ALS2CL: variants seen among roughly 807,000 people sequenced by gnomAD.
The protein encoded by ALS2CL is ALS2 C-terminal-like protein.
ALS2CL carries 112 observed loss-of-function variants against 127.9 expected under a neutral mutation model. The observed-to-expected ratio is 0.88, with a 90% CI of 0.75 to 1.02. The LOEUF is 1.02. ALS2CL is among the 50% of genes least tolerant of loss of function. The pLI is 0.00. For missense variants in ALS2CL, 1,174 were observed against 1,236.7 expected (o/e 0.95, Z 0.76); for synonymous variants, 519 against 527.6 (o/e 0.98, Z 0.22).
Position 46,688,195 on chromosome 3 carries a change from G to T in ALS2CL, c.205C>A (p.His69Asn). 1.2e-6 allele frequency: 2 copies of T among 1,613,118 alleles called. No individual in the cohort carries two copies. Among genetic ancestry groups the T allele is most frequent in the East Asian group, 2.2e-5 (1 of 44,880 alleles). ...TAACGCAGCCTCTCCTGCAGTGAGT[G>T]CAGGCTTTCCTCCGTCACCTCCCAG... ...QLWEVTEESL[H>N]SLQERLRYPD... is the part of the protein sequence containing the mutation. Residue 69 changes from histidine (H) to asparagine (N), a missense_variant, in exon 3 of 26, where the codon CAC becomes AAC. His to Asn is a moderately conservative substitution (Grantham distance 68). Transcript: ENST00000318962.
At chr3:46,689,582 G>A in intron 1 of ALS2CL, 117 bp from the exon 2 acceptor site, 1 of 650,184 alleles carries the variant, frequency 1.5e-6, no homozygotes, top group South Asian at 2.0e-5. Flanking sequence ...GAACTGAGCA[G>A]TGAGCCCAGA....
At position 46,671,071 on chromosome 3, in the gene ALS2CL, GGA is replaced by G; in HGVS notation, c.2782-9_2782-8del. The G allele has an allele frequency of 6.2e-7, 1 of 1,613,940 alleles. No individual in the cohort carries two copies. Among genetic ancestry groups the G allele is most frequent in the South Asian group, 1.1e-5 (1 of 91,066 alleles). The stretch of plus-strand genomic sequence containing the variant: ...GGATGTGCTCGTAACAGGACTGGAG[GGA>G]GAGAGGCAAGGCTGAGGCCAGTTGA... On this transcript the variant is annotated splice_polypyrimidine_tract_variant and splice_region_variant and intron_variant, in intron 25 of 25. Transcript: ENST00000318962.
rs768910143 is a variant in ALS2CL, at chr3:46,686,474, C to T, written c.535-35G>A. 5.6e-6 allele frequency: 9 copies of T among 1,598,944 alleles called. No individual in the cohort carries two copies. Among genetic ancestry groups the T allele is most frequent in the African/African-American group, 1.3e-5 (1 of 74,726 alleles). On this transcript the variant is annotated intron_variant, in intron 5 of 25. Transcript: ENST00000318962. The surrounding 1 kb of genome is among the most constrained non-coding windows in gnomAD (Gnocchi z 4.3). ...GACAGGGCAGCCAGTGAGAGGAGAG[C>T]TTACTGGAATCTTCCCTAGCCCAGT...
rs1358990313 is a variant in ALS2CL, at chr3:46,681,198, G to A, written c.1436+48C>T. 1 of 1,612,312 alleles carries A rather than the reference G, an allele frequency of 6.2e-7. No individual in the cohort carries two copies. The highest frequency in any genetic ancestry group is 1.1e-5 in the South Asian group (1 of 91,058). On this transcript the variant is annotated intron_variant, in intron 13 of 25. Transcript: ENST00000318962. The surrounding 1 kb of genome is among the most constrained non-coding windows in gnomAD (Gnocchi z 4.9). ...TCCTGCAACAATCTGGTCTGTGAGG[G>A]CCCGGTCCACCCCTCCGTCCTGGGA...
chr3:46,682,022 G>A lies in ALS2CL; in HGVS notation c.1175+7C>T. 1.2e-6 allele frequency: 2 copies of A among 1,613,882 alleles called. No individual in the cohort carries two copies. The highest frequency in any genetic ancestry group is 1.7e-6 in the Non-Finnish European group (2 of 1,179,922). On this transcript the variant is annotated splice_region_variant and intron_variant, in intron 11 of 25. Transcript: ENST00000318962. The stretch of plus-strand genomic sequence containing the variant: ...CGCCTCCCAGCAGTAGCCCCAGCCA[G>A]CCTTACCCATGCTCCAGGCCCTGGC...
rs1432759397 is a variant in ALS2CL at position 46,676,338 on chromosome 3, G to T, written c.2093C>A (p.Ala698Asp). The change falls in exon 19 of 26, where the codon GCT becomes GAT. Residue 698 changes from alanine (A) to aspartate (D), a missense_variant. Coordinates refer to ENST00000318962, the MANE Select transcript of ALS2CL (RefSeq NM_147129.5). ...GTTGGCCCCGACACCTGCGTAGGTA[G>T]CCTGGAAGGTCAGCATCAGTGTCCG... ...LLRTLMLTFQ[A>D]TYAGVGANKH... 1.2e-6 allele frequency: 2 copies of T among 1,613,920 alleles called. No homozygotes were observed.
In ALS2CL at chr3:46,681,043, AG is replaced by A; in HGVS notation, c.1436+202del. On this transcript the variant is annotated intron_variant, in intron 13 of 25. Coordinates refer to ENST00000318962, the MANE Select transcript of ALS2CL (RefSeq NM_147129.5). The surrounding 1 kb of genome is among the most constrained non-coding windows in gnomAD (Gnocchi z 4.9). Reference sequence around the variant, plus strand: ...CTCTCCAACACCATGAGGAGGGGTGAGGGGCGGGGGCGACCCTGCAGTCAGC... The same window carrying A: ...CTCTCCAACACCATGAGGAGGGGTGAGGGCGGGGGCGACCCTGCAGTCAGC... The A allele has an allele frequency of 1.3e-6, 1 of 785,358 alleles. No homozygotes were observed. Among genetic ancestry groups the A allele is most frequent in the Non-Finnish European group, 2.1e-6 (1 of 471,034 alleles). 48.6% of individuals were successfully genotyped at this position (785,358 alleles called of 1,614,324 possible). A position where few individuals can be genotyped will look rare whatever the true frequency, so the allele number is the denominator to read the frequency against.
At chr3:46,680,718 G>A (rs1699250950) in intron 13 of ALS2CL, 177 bp from the exon 14 acceptor site, 2 of 605,066 alleles carry the variant, frequency 3.3e-6, no homozygotes, top group Non-Finnish European at 5.9e-6. Context: ...AGAGAATGGA[G>A]GAGGGAGGGA....
chr3:46,692,824 G>C (rs927747371), intron 1 of ALS2CL, among the ~76,000 whole-genome samples: 3 of 152,212 alleles, frequency 2.0e-5, no homozygotes, highest in African/African-American at 4.8e-5. Flanking sequence ...GTCCACGCTA[G>C]GTCCCTCCCG....
intron 9 of ALS2CL, 30 bp from the exon 10 acceptor site, chr3:46,683,356 A>G: frequency 6.4e-7 from 1 of 1,557,642 alleles, no homozygotes; most frequent in Non-Finnish European, 8.7e-7. Flanking sequence ...GGGGAAGGGG[A>G]TCACTGCTGC....
At chr3:46,677,145 G>A in intron 16 of ALS2CL, 123 bp from the exon 17 acceptor site, 1 of 1,473,204 alleles carries the variant, frequency 6.8e-7, no homozygotes, top group Non-Finnish European at 8.9e-7. Flanking sequence ...GCCCCAAGAA[G>A]GGTGGATGGA....
intron 2 of ALS2CL, 104 bp downstream of exon 2, chr3:46,689,234 G>A: frequency 2.5e-6 from 3 of 1,198,750 alleles, no homozygotes; most frequent in Non-Finnish European, 3.6e-6. Flanking sequence ...ACTCCTATTT[G>A]AGGTTGAGAA....
intron 25 of ALS2CL, 37 bp from the exon 26 acceptor site, chr3:46,671,101 T>C (rs1165929585): frequency 4.4e-6 from 7 of 1,587,298 alleles, no homozygotes; most frequent in Non-Finnish European, 5.2e-6. Flanking sequence ...CCAGTTGACC[T>C]GCCTGATCCC....
chr3:46,674,310 G>A (rs527238832), intron 21 of ALS2CL, among the ~76,000 whole-genome samples: 3 of 152,238 alleles, frequency 2.0e-5, no homozygotes, highest in Non-Finnish European at 4.4e-5. Flanking sequence ...GAGGAGCTGG[G>A]AGGGTATGAA....
intron 22 of ALS2CL, among the ~76,000 whole-genome samples, chr3:46,672,686 C>A (rs1316812046): frequency 6.6e-6 from 1 of 152,212 alleles, no homozygotes; most frequent in African/African-American, 2.4e-5. Flanking sequence ...GCCCACTTCA[C>A]CCTCACAACA....
chr3:46,687,019 C>T lies in ALS2CL; in HGVS notation c.498G>A (p.Val166=). The T allele has an allele frequency of 6.2e-7, 1 of 1,604,970 alleles. No individual in the cohort carries two copies. The highest frequency in any genetic ancestry group is 8.5e-7 in the Non-Finnish European group (1 of 1,179,076). ...QPLAHHVQQY[V]LLLLSLGDTI... is the part of the protein sequence containing the mutation. ...TGTCCCCGAGGCTCAGCAGGAGGAG[C>T]ACGTACTGTTGCACGTGATGGGCGA... Residue 166 remains valine (V), a synonymous_variant, in exon 5 of 26, where the codon GTG becomes GTA. Transcript: ENST00000318962.
chr3:46,682,765 T>C (rs1575434599), intron 10 of ALS2CL, among the ~76,000 whole-genome samples: 2 of 152,302 alleles, frequency 1.3e-5, no homozygotes, highest in Middle Eastern at 3.4e-3. Context: ...ATACAGAGCG[T>C]CTTCATGAGG....
chr3:46,687,800 C>A, intron 3 of ALS2CL, 116 bp from the exon 4 acceptor site: 1 of 1,113,964 alleles, frequency 9.0e-7, no homozygotes, highest in Non-Finnish European at 1.3e-6. Flanking sequence ...TGAGGGCCCA[C>A]ACAGTGGCCT....
rs375593332 is a variant in ALS2CL, at chr3:46,681,998, G to T, written c.1175+31C>A. The T allele has an allele frequency of 3.7e-6, 6 of 1,611,120 alleles. No individual in the cohort carries two copies. Among genetic ancestry groups the T allele is most frequent in the Middle Eastern group, 1.7e-4 (1 of 6,058 alleles). On this transcript the variant is annotated intron_variant, in intron 11 of 25. Transcript: ENST00000318962. The surrounding 1 kb of genome is among the most constrained non-coding windows in gnomAD (Gnocchi z 4.9). ...GAAAGCACCCTTCAGCCCACTGCACGCCTCCCAGCAGTAGCCCCAGCCAGC... is the reference window on the plus strand; with the variant it reads ...GAAAGCACCCTTCAGCCCACTGCACTCCTCCCAGCAGTAGCCCCAGCCAGC...
Sources: allele counts gnomAD v4.1 joint callset (sites outside exome capture counted in the v4.1 genomes callset), GRCh38; gene constraint gnomAD v4.1.1; non-coding constraint Gnocchi (gnomAD v3.1); transcripts MANE v1.5; gene names NCBI Gene and HGNC (gene_info 2026-07-23, HGNC 2026-07-21).